The following RIMS2 variants were observed in gnomAD, a reference collection of about 807,000 sequenced individuals.
RIMS2 encodes the protein regulating synaptic membrane exocytosis protein 2.
A neutral mutation model predicts 174.4 loss-of-function variants in RIMS2; 59 were observed. The observed-to-expected ratio is 0.34, with a 90% confidence interval of 0.27 to 0.42. The LOEUF (loss-of-function observed/expected upper bound fraction) is 0.42. RIMS2 is among the 10% of genes least tolerant of loss of function. The probability of loss-of-function intolerance (pLI) is 1.00; values close to 1 mark genes in which losing one functional copy is unlikely to be tolerated. For synonymous variants in RIMS2, 606 were observed against 572.5 expected (o/e 1.06, Z -0.84); for missense variants, 1,620 against 1,666.3 (o/e 0.97, Z 0.48).
At chr8:103,701,950 G>A (rs1462247745) in intron 2 of RIMS2, among the ~76,000 whole-genome samples, 2 of 152,058 alleles carry the variant, frequency 1.3e-5, no homozygotes, top group Non-Finnish European at 2.9e-5. Flanking sequence ...TACATACGTG[G>A]TAGTGGAATT....
intron 1 of RIMS2, among the ~76,000 whole-genome samples, chr8:103,517,955 T>G (rs1293904601): frequency 6.6e-6 from 1 of 151,534 alleles, no homozygotes; most frequent in Non-Finnish European, 1.5e-5. Context: ...TCTCATCATA[T>G]TTTAAGGTTT....
At chr8:103,537,250 G>A (rs771865007) in intron 1 of RIMS2, among the ~76,000 whole-genome samples, 12 of 152,180 alleles carry the variant, frequency 7.9e-5, no homozygotes, top group Admixed American at 1.3e-4. Context: ...GAAATTAACA[G>A]TGATTATATT....
At chr8:103,695,399 T>C (rs2097088821) in intron 1 of RIMS2, among the ~76,000 whole-genome samples, 1 of 152,144 alleles carries the variant, frequency 6.6e-6, no homozygotes, top group Non-Finnish European at 1.5e-5. Flanking sequence ...CTCTAATCTC[T>C]TGTATTTCTT....
intron 2 of RIMS2, among the ~76,000 whole-genome samples, chr8:103,765,364 G>A (rs944499834): frequency 3.9e-5 from 6 of 152,024 alleles, no homozygotes; most frequent in African/African-American, 7.2e-5. Flanking sequence ...TAGTTGTGCC[G>A]GGGTTGGAGG....
chr8:104,222,159 C>G (rs1379505752), intron 19 of RIMS2, among the ~76,000 whole-genome samples: 1 of 152,190 alleles, frequency 6.6e-6, no homozygotes, highest in Non-Finnish European at 1.5e-5. Flanking sequence ...TTGCATTCAT[C>G]TCCTTTTTAG....
chr8:104,044,260 C>T (rs1056550886), intron 19 of RIMS2, among the ~76,000 whole-genome samples: 1 of 151,438 alleles, frequency 6.6e-6, no homozygotes, highest in Non-Finnish European at 1.5e-5. Flanking sequence ...GAAAGAAGCT[C>T]AGGATAGTAG....
chr8:104,100,791 T>C (rs1306219115), intron 19 of RIMS2, among the ~76,000 whole-genome samples: 1 of 143,512 alleles, frequency 7.0e-6, no homozygotes, highest in Admixed American at 7.4e-5. Flanking sequence ...CCATTCAATT[T>C]CCTGTTATAT....
At chr8:103,902,489 C>T (rs1052662857) in intron 4 of RIMS2, among the ~76,000 whole-genome samples, 1 of 152,126 alleles carries the variant, frequency 6.6e-6, no homozygotes, top group African/African-American at 2.4e-5. Flanking sequence ...CAGTGTCCAA[C>T]AGTTTTCTCT....
At chr8:103,929,217 CTGTA>C in intron 11 of RIMS2, among the ~76,000 whole-genome samples, 1 of 151,752 alleles carries the variant, frequency 6.6e-6, no homozygotes, top group Admixed American at 6.6e-5. Flanking sequence ...TATGTTTACT[CTGTA>C]TGAGAAATTG....
chr8:103,657,219 T>C (rs1410032593), intron 1 of RIMS2, among the ~76,000 whole-genome samples: 1 of 152,140 alleles, frequency 6.6e-6, no homozygotes, highest in Non-Finnish European at 1.5e-5. Flanking sequence ...AACCTATTCA[T>C]AGGAGTAGGT....
intron 19 of RIMS2, among the ~76,000 whole-genome samples, chr8:104,089,446 C>T (rs986221943): frequency 6.6e-6 from 1 of 151,528 alleles, no homozygotes; most frequent in Non-Finnish European, 1.5e-5. Flanking sequence ...ACTTAGATTT[C>T]TGGGGGTGGG....
chr8:103,591,843 C>T (rs2094275668), intron 1 of RIMS2, among the ~76,000 whole-genome samples: 1 of 151,050 alleles, frequency 6.6e-6, no homozygotes, highest in Non-Finnish European at 1.5e-5. Context: ...AACCTCTTAC[C>T]TTTTTTTCTT....
intron 19 of RIMS2, 87 bp downstream of exon 24, chr8:104,093,730 A>G (rs536283453): frequency 5.8e-6 from 6 of 1,035,968 alleles, no homozygotes; most frequent in Non-Finnish European, 8.2e-6. Flanking sequence ...ATTTATTTCT[A>G]ACAGGTTAAT....
At chr8:103,515,482 A>G (rs536688362) in intron 1 of RIMS2, among the ~76,000 whole-genome samples, 4 of 152,202 alleles carry the variant, frequency 2.6e-5, no homozygotes, top group Non-Finnish European at 5.9e-5. Flanking sequence ...ACTTCAGAAT[A>G]CAAGCTTTTC....
rs372510043 is a variant in RIMS2 at position 103,775,371 on chromosome 8, AAAT to A, written c.698+8837_698+8839del. Among the ~76,000 whole-genome samples the A allele has an allele frequency of 6.2e-3, 942 of 152,282 alleles. 9 individuals carry two copies. Among genetic ancestry groups the A allele is most frequent in the African/African-American group, 0.021 (888 of 41,576 alleles). On this transcript the variant is annotated intron_variant, in intron 3 of 23. Coordinates refer to ENST00000504942, the Ensembl canonical transcript of RIMS2. ...AACTATAGAGCTAAGGAACTAGAAA[AAAT>A]AAATCACCAATGTTTTTCTTAGGAG...
intron 12 of RIMS2, 26 bp downstream of exon 14, chr8:103,931,419 T>G (rs761890963): frequency 6.0e-6 from 9 of 1,495,106 alleles, no homozygotes; most frequent in South Asian, 1.2e-5. Flanking sequence ...AAAATAAATG[T>G]TCTGGAAAAT....
intron 19 of RIMS2, among the ~76,000 whole-genome samples, chr8:104,227,542 C>T (rs1337146184): frequency 6.6e-6 from 1 of 152,160 alleles, no homozygotes; most frequent in Admixed American, 6.5e-5. Flanking sequence ...AGCAGCCCCA[C>T]AACTTCTCAC....
intron 2 of RIMS2, among the ~76,000 whole-genome samples, chr8:103,726,741 A>AT (rs1277870536): frequency 2.7e-5 from 4 of 147,626 alleles, no homozygotes; most frequent in African/African-American, 9.8e-5. Context: ...ATATATATAT[A>AT]TATATTTTTG....
intron 4 of RIMS2, among the ~76,000 whole-genome samples, chr8:103,907,615 T>C (rs2074726887): frequency 6.6e-6 from 1 of 152,106 alleles, no homozygotes; most frequent in South Asian, 2.1e-4. Flanking sequence ...GTTTGGATTC[T>C]CTTCATACCT....
Sources: gnomAD v4.1 joint callset for allele counts (sites outside exome capture counted in the v4.1 genomes callset) on GRCh38, gnomAD v4.1.1 for gene constraint, MANE v1.5 for transcripts, NCBI Gene and HGNC (gene_info 2026-07-23, HGNC 2026-07-21) for gene names.